NFIB: variants seen among roughly 807,000 people sequenced by gnomAD.
NFIB encodes the protein nuclear factor I B.
A neutral mutation model predicts 61.5 loss-of-function variants in NFIB; 11 were observed. That is an observed-to-expected ratio of 0.18 (90% CI 0.11 to 0.30). The LOEUF is 0.30. NFIB is among the 10% of genes least tolerant of loss of function. The pLI is 1.00. For synonymous variants in NFIB, 260 were observed against 216.5 expected, an observed-to-expected ratio of 1.20 and a Z score of -1.76; for missense variants, 471 against 608.9, an observed-to-expected ratio of 0.77 and a Z score of 2.38.
intron 2 of NFIB, among the ~76,000 whole-genome samples, chr9:14,285,245 C>T (rs2058633344): frequency 6.6e-6 from 1 of 152,166 alleles, no homozygotes; most frequent in Non-Finnish European, 1.5e-5. Context: ...GCCTCAGCCT[C>T]CTGAGTAGCT....
At chr9:14,245,277 C>T (rs2054786955) in intron 2 of NFIB, among the ~76,000 whole-genome samples, 1 of 152,142 alleles carries the variant, frequency 6.6e-6, no homozygotes, top group South Asian at 2.1e-4. Flanking sequence ...ACTCCTTCTC[C>T]CTACATCCAT....
intron 2 of NFIB, among the ~76,000 whole-genome samples, chr9:14,218,561 A>G (rs1482093136): frequency 6.6e-6 from 1 of 152,188 alleles, no homozygotes; most frequent in African/African-American, 2.4e-5. Flanking sequence ...GAGACTGATG[A>G]CTATAGATGT....
At chr9:14,394,554 CA>C (rs1264795863) in intron 1 of NFIB, among the ~76,000 whole-genome samples, 1 of 152,142 alleles carries the variant, frequency 6.6e-6, no homozygotes, top group African/African-American at 2.4e-5. Flanking sequence ...TATTCACTAC[CA>C]TAAGAACAGT....
At chr9:14,485,233 G>C in the NFIB span, among the ~76,000 whole-genome samples, 1 of 152,176 alleles carries the variant, frequency 6.6e-6, no homozygotes, top group South Asian at 2.1e-4. Context: ...TTGTCCAATA[G>C]TCAAAGAGCT....
intron 1 of NFIB, among the ~76,000 whole-genome samples, chr9:14,356,128 C>T (rs2061173870): frequency 6.6e-6 from 1 of 152,126 alleles, no homozygotes; most frequent in Admixed American, 6.5e-5. Flanking sequence ...TATGGGGTCC[C>T]AAACAAAATA....
intron 2 of NFIB, among the ~76,000 whole-genome samples, chr9:14,266,511 C>T (rs1242240670): frequency 1.3e-5 from 2 of 152,028 alleles, no homozygotes; most frequent in Non-Finnish European, 2.9e-5. Flanking sequence ...AGGAGGATTT[C>T]ACGAGCCAGG....
At chr9:14,088,365 A>C (rs377075754) in intron 10 of NFIB, 39 bp from the exon 11 acceptor site, 1 of 1,491,506 alleles carries the variant, frequency 6.7e-7, no homozygotes. Flanking sequence ...GGAAGAAAAA[A>C]GAAAAAAATA....
chr9:14,380,507 C>G (rs1197526688), intron 1 of NFIB, among the ~76,000 whole-genome samples: 1 of 152,160 alleles, frequency 6.6e-6, no homozygotes, highest in Non-Finnish European at 1.5e-5. Flanking sequence ...ATATAGAAAA[C>G]AAGGAAGTCA....
chr9:14,224,998 C>T (rs920028297), intron 2 of NFIB, among the ~76,000 whole-genome samples: 2 of 152,112 alleles, frequency 1.3e-5, no homozygotes, highest in African/African-American at 4.8e-5. Context: ...CTATAGTCCT[C>T]AACTTTTGCA....
chr9:14,307,006 T>C lies in NFIB; in HGVS notation c.545A>G (p.Tyr182Cys). The part of the protein sequence containing the change: ...SVKELDLFLA[Y>C]YVQEQDSGQS... ...GCTCCTACCTTGCTCCTGCACGTAG[T>C]ATGCCAAAAACAAATCAAGCTCCTT... Residue 182 changes from tyrosine to cysteine, a missense_variant, in exon 2 of 11, where the codon TAC (tyrosine) becomes TGC (cysteine). Tyr to Cys is a radical substitution (Grantham distance 194). Coordinates refer to ENST00000380953, the MANE Select transcript of NFIB (RefSeq NM_001190737.2). This position sits in a 1 kb window ranked among gnomAD's most constrained non-coding sequence, Gnocchi z 5.3. 6.2e-7 allele frequency: 1 copy of C among 1,614,124 alleles called. No homozygotes were observed. The highest frequency in any genetic ancestry group is 8.5e-7 in the Non-Finnish European group (1 of 1,179,986).
chr9:14,373,384 G>T (rs2061380725), intron 1 of NFIB, among the ~76,000 whole-genome samples: 1 of 152,110 alleles, frequency 6.6e-6, no homozygotes, highest in Non-Finnish European at 1.5e-5. Context: ...AATATCTTTT[G>T]TCTTATAGCC....
At chr9:14,430,290 G>C in the NFIB span, among the ~76,000 whole-genome samples, 5 of 152,070 alleles carry the variant, frequency 3.3e-5, no homozygotes, top group East Asian at 9.7e-4. Context: ...ACCAACACGA[G>C]GGACAGAAAA....
the NFIB span, among the ~76,000 whole-genome samples, chr9:14,524,278 T>G: frequency 1.3e-5 from 2 of 152,178 alleles, no homozygotes; most frequent in African/African-American, 4.8e-5. Context: ...TAGACCCATT[T>G]ATATTAAACA....
At chr9:14,529,503 T>G in the NFIB span, among the ~76,000 whole-genome samples, 1 of 152,102 alleles carries the variant, frequency 6.6e-6, no homozygotes, top group Non-Finnish European at 1.5e-5. Flanking sequence ...TAAAACACAT[T>G]TAAAAAATCT....
At chr9:14,357,127 T>TA (rs1274398707) in intron 1 of NFIB, 13 of 152,214 alleles carry the variant, frequency 8.5e-5, no homozygotes, top group African/African-American at 2.9e-4. Context: ...TATAAATTAA[T>TA]ATAGGGCCTT....
intron 1 of NFIB, among the ~76,000 whole-genome samples, chr9:14,324,949 C>T (rs370379612): frequency 1.3e-5 from 2 of 152,064 alleles, no homozygotes; most frequent in African/African-American, 4.8e-5. Context: ...GTTACCTCAA[C>T]GTGTTGTTGC....
At chr9:14,178,683 A>G (rs1410925005) in intron 3 of NFIB, among the ~76,000 whole-genome samples, 2 of 152,180 alleles carry the variant, frequency 1.3e-5, no homozygotes, top group African/African-American at 2.4e-5. Context: ...TTTTACTTGT[A>G]TATCTACTTG....
At chr9:14,466,404 G>A in the NFIB span, among the ~76,000 whole-genome samples, 2 of 152,154 alleles carry the variant, frequency 1.3e-5, no homozygotes, top group Non-Finnish European at 2.9e-5. Context: ...GGCACTGGGG[G>A]TGTGCAGATG....
chr9:14,284,988 G>C (rs1400521143), intron 2 of NFIB, among the ~76,000 whole-genome samples: 3 of 152,158 alleles, frequency 2.0e-5, no homozygotes, highest in Non-Finnish European at 4.4e-5. Context: ...AAGCAGCATA[G>C]AGCAAGAGAA....
Sources: gnomAD v4.1 joint callset for allele counts (sites outside exome capture counted in the v4.1 genomes callset) on GRCh38, gnomAD v4.1.1 for gene constraint, Gnocchi (gnomAD v3.1) non-coding constraint, MANE v1.5 for transcripts, NCBI Gene and HGNC (gene_info 2026-07-23, HGNC 2026-07-21) for gene names.